The following TSBP1 variants were observed in gnomAD, a reference collection of about 807,000 sequenced individuals.
The protein encoded by TSBP1 is testis-expressed basic protein 1.
Under a neutral mutation model 68.8 loss-of-function variants are expected in TSBP1, and 56 were observed. That is an observed-to-expected ratio of 0.81 (90% CI 0.66 to 1.02). TSBP1 has a LOEUF of 1.02. Ranked by LOEUF, TSBP1 falls within the 50% of genes least tolerant of loss-of-function variation. TSBP1 has a pLI of 0.00. For synonymous variants in TSBP1, 171 were observed against 208.7 expected, an observed-to-expected ratio of 0.82 and a Z score of 1.56; for missense variants, 502 against 641.2, an observed-to-expected ratio of 0.78 and a Z score of 2.34.
In TSBP1 at chr6:32,315,799, A is replaced by T. The variant is rs991996984; in HGVS notation, c.560-7T>A. On this transcript the variant is annotated splice_polypyrimidine_tract_variant and splice_region_variant and intron_variant, in intron 18 of 22. Coordinates refer to ENST00000612031, the Ensembl canonical transcript of TSBP1. The surrounding 1 kb of genome is among the most constrained non-coding windows in gnomAD (Gnocchi z 5.4). Reference sequence around the variant, plus strand: ...GCAGTTCTCTGCGAAATTACTAAAAAATAAGCAAAAAGAAATCCATTTAAT... The same window carrying T: ...GCAGTTCTCTGCGAAATTACTAAAATATAAGCAAAAAGAAATCCATTTAAT... The T allele has an allele frequency of 1.3e-6, 2 of 1,492,310 alleles. No homozygotes were observed. The highest frequency in any genetic ancestry group is 2.0e-5 in the Admixed American group (1 of 50,360). The allele number at this position is 1,492,310 out of a possible 1,614,324, so 92.4% of individuals were successfully genotyped here.
chr6:32,299,697 T>C (rs1335117917), intron 22 of TSBP1, among the ~76,000 whole-genome samples: 1 of 152,036 alleles, frequency 6.6e-6, no homozygotes, highest in Non-Finnish European at 1.5e-5. Context: ...GGCAGGAGGA[T>C]CACTTGAGCC....
In TSBP1 at chr6:32,325,815, A is replaced by C; in HGVS notation, c.515-2201T>G. The C allele has an allele frequency of 7.8e-7, 1 of 1,281,746 alleles. No homozygotes were observed. The highest frequency in any genetic ancestry group is 1.2e-5 in the South Asian group (1 of 84,436). 79.4% of individuals were successfully genotyped at this position (1,281,746 alleles called of 1,614,324 possible). ...GCCGAAGAGGTCGAAGTGGTTCTGG[A>C]AACTTAGGTGGTGGTCATGGAGGTG... On this transcript the variant is annotated intron_variant, in intron 16 of 22. Coordinates refer to ENST00000612031, the Ensembl canonical transcript of TSBP1. The surrounding 1 kb of genome is among the most constrained non-coding windows in gnomAD (Gnocchi z 4.4).
chr6:32,323,165 G>C, intron 17 of TSBP1, 28 bp from the exon 19 acceptor site: 1 of 1,493,290 alleles, frequency 6.7e-7, no homozygotes, highest in Non-Finnish European at 9.3e-7. Context: ...TATTGGTGAA[G>C]ATTTCTTTGA....
intron 21 of TSBP1, 148 bp from the exon 25 acceptor site, chr6:32,300,084 C>T (rs550131162): frequency 4.5e-5 from 30 of 669,838 alleles, no homozygotes; most frequent in Non-Finnish European, 4.0e-5. Flanking sequence ...TGTTGCTGGC[C>T]AATGCTCCAT....
chr6:32,359,873 A>C (rs971552163), intron 6 of TSBP1, among the ~76,000 whole-genome samples: 1 of 152,012 alleles, frequency 6.6e-6, no homozygotes, highest in African/African-American at 2.4e-5. Flanking sequence ...TTGACTACTC[A>C]GATTATTTTT....
At position 32,370,407 on chromosome 6, in the gene TSBP1, GTATATATATATATATATATATATATA is replaced by G. The variant is rs9279612; in HGVS notation, c.14-450_14-425del. 3.6e-4 allele frequency among the ~76,000 whole-genome samples: 47 copies of G among 130,708 alleles called. 1 individual carries two copies. Among genetic ancestry groups the G allele is most frequent in the African/African-American group, 1.3e-3 (46 of 36,418 alleles). 85.7% of individuals were successfully genotyped at this position (130,708 alleles called of 152,430 possible). A position where few individuals can be genotyped will look rare whatever the true frequency, so the allele number is the denominator to read the frequency against. ...TACCTTTAAAGTTGCAAGATTTTCTGTATATATATATATATATATATATATATATATATATATGGCTATAAATAAGA... is the reference window on the plus strand; with the variant it reads ...TACCTTTAAAGTTGCAAGATTTTCTGTATATATATATGGCTATAAATAAGA... On this transcript the variant is annotated intron_variant, in intron 1 of 22. Transcript: ENST00000612031.
intron 9 of TSBP1, among the ~76,000 whole-genome samples, chr6:32,347,660 A>AGATTTTTT: frequency 1.6e-5 from 2 of 128,236 alleles, no homozygotes; most frequent in Admixed American, 7.9e-5. Context: ...TCCCTGATGA[A>AGATTTTTT]AACAATGGCT....
chr6:32,356,864 A>G (rs2223638), intron 6 of TSBP1: 44,664 of 154,296 alleles, frequency 0.29, 7,509 homozygotes, highest in African/African-American at 0.44. Flanking sequence ...AACATTTGCT[A>G]GAAAAATACT....
At chr6:32,313,608 T>G (rs1388637745) in intron 19 of TSBP1, among the ~76,000 whole-genome samples, 2 of 152,186 alleles carry the variant, frequency 1.3e-5, no homozygotes, top group Admixed American at 1.3e-4. Flanking sequence ...TCTCATAGAT[T>G]TCATAACTTT....
In TSBP1 at chr6:32,302,924, C is replaced by T. The variant is rs1012681792; in HGVS notation, c.581-295G>A. On this transcript the variant is annotated intron_variant, in intron 19 of 22. Transcript: ENST00000612031. The surrounding 1 kb of genome is among the most constrained non-coding windows in gnomAD (Gnocchi z 5.1). ...AGTTAGCGGGACCCTTTTAAAGTGTCAGCAAGACTCCTGCTTAAGAGCCAC... is the reference window on the plus strand; with the variant it reads ...AGTTAGCGGGACCCTTTTAAAGTGTTAGCAAGACTCCTGCTTAAGAGCCAC... Among the ~76,000 whole-genome samples the T allele has an allele frequency of 1.3e-5, 2 of 152,188 alleles. No homozygotes were observed. Among genetic ancestry groups the T allele is most frequent in the African/African-American group, 2.4e-5 (1 of 41,438 alleles).
intron 6 of TSBP1, among the ~76,000 whole-genome samples, chr6:32,356,124 G>A (rs946576823): frequency 2.6e-4 from 39 of 152,110 alleles, no homozygotes; most frequent in African/African-American, 8.2e-4. Context: ...AAAAGATCTG[G>A]AGACAAAGCA....
intron 10 of TSBP1, 127 bp from the exon 12 acceptor site, chr6:32,339,126 G>A: frequency 1.3e-6 from 1 of 790,738 alleles, no homozygotes; most frequent in East Asian, 2.4e-5. Context: ...AAGGTAAGTA[G>A]GCATTTTCCT....
At chr6:32,326,240 T>A (rs504703) in intron 16 of TSBP1, 2 of 1,043,612 alleles carry the variant, frequency 1.9e-6, no homozygotes, top group Non-Finnish European at 2.9e-6. Context: ...CTACAGGTTA[T>A]AACAGATTTG....
Position 32,316,378 on chromosome 6 carries a change from G to T in TSBP1, c.560-586C>A, listed in dbSNP as rs2127581405. ...ACCAAAGAGAACCAAAGTAGAAAAA[G>T]ACATGTAATACTTACTTATAGGTGC... On this transcript the variant is annotated intron_variant, in intron 18 of 22. Transcript: ENST00000612031. The surrounding 1 kb of genome is among the most constrained non-coding windows in gnomAD (Gnocchi z 4.5). 1 of 1,570,888 alleles carries T rather than the reference G, an allele frequency of 6.4e-7. No homozygotes were observed.
chr6:32,365,932 T>C lies in TSBP1; in HGVS notation c.217+235A>G. ...CTATTTTGCTGATGCCTTTCTCTCA[T>C]ATTACTTTTGTTAAATAATTAGGAG... On this transcript the variant is annotated intron_variant, in intron 6 of 22. Coordinates refer to ENST00000612031, the Ensembl canonical transcript of TSBP1. This position sits in a 1 kb window ranked among gnomAD's most constrained non-coding sequence, Gnocchi z 4.3. The C allele has an allele frequency of 1.6e-6, 1 of 639,538 alleles. No homozygotes were observed. Among genetic ancestry groups the C allele is most frequent in the Non-Finnish European group, 2.9e-6 (1 of 348,542 alleles). The allele number at this position is 639,538 out of a possible 1,614,324, so 39.6% of individuals were successfully genotyped here.
intron 1 of TSBP1, among the ~76,000 whole-genome samples, chr6:32,370,855 A>AACAG (rs138019081): frequency 2.0e-5 from 3 of 150,108 alleles, no homozygotes; most frequent in Non-Finnish European, 3.0e-5. Context: ...AAAAAAAGAA[A>AACAG]AGAGAGAGAG....
chr6:32,347,775 C>T (rs1343758056), intron 9 of TSBP1, among the ~76,000 whole-genome samples: 2 of 152,050 alleles, frequency 1.3e-5, no homozygotes, highest in Non-Finnish European at 2.9e-5. Flanking sequence ...CACAACTGGC[C>T]TTCCTGCAAT....
intron 15 of TSBP1, among the ~76,000 whole-genome samples, chr6:32,331,546 T>C (rs1379041887): frequency 6.6e-6 from 1 of 152,076 alleles, no homozygotes; most frequent in Non-Finnish European, 1.5e-5. Context: ...ACATTCTGCC[T>C]AACCACCTGA....
In TSBP1 at chr6:32,325,558, A is replaced by G. The variant is rs374703858; in HGVS notation, c.515-1944T>C. The G allele has an allele frequency of 1.0e-5, 9 of 858,398 alleles. No homozygotes were observed. Among genetic ancestry groups the G allele is most frequent in the East Asian group, 7.2e-5 (3 of 41,470 alleles). The allele number at this position is 858,398 out of a possible 1,614,324, so 53.2% of individuals were successfully genotyped here. A position where few individuals can be genotyped will look rare whatever the true frequency, so the allele number is the denominator to read the frequency against. On this transcript the variant is annotated intron_variant, in intron 16 of 22. Transcript: ENST00000612031. This position sits in a 1 kb window ranked among gnomAD's most constrained non-coding sequence, Gnocchi z 4.4. ...AAGATATATGCTGGTGGCATTAAAG[A>G]AGACACTGAAGAAATCACCTAAGAA... is the stretch of plus-strand genomic sequence containing the variant.
Sources: gnomAD v4.1 joint callset for allele counts (sites outside exome capture counted in the v4.1 genomes callset) on GRCh38, gnomAD v4.1.1 for gene constraint, Gnocchi (gnomAD v3.1) non-coding constraint, MANE v1.5 for transcripts, NCBI Gene and HGNC (gene_info 2026-07-23, HGNC 2026-07-21) for gene names.